Variants in CORO1C observed in about 807,000 individuals in gnomAD.
The protein encoded by CORO1C is coronin 1C.
In CORO1C, 14 loss-of-function variants were observed where a neutral mutation model predicts 51.2. The observed-to-expected ratio is 0.27, with a 90% confidence interval of 0.18 to 0.43. The LOEUF is 0.43. Among genes scored for constraint, CORO1C ranks in the 20% least tolerant of loss-of-function variants. The pLI, the probability that CORO1C is intolerant of heterozygous loss-of-function variation, is 1.00. For synonymous variants in CORO1C, 181 were observed against 210.5 expected, an observed-to-expected ratio of 0.86 and a Z score of 1.21; for missense variants, 417 against 607.8, an observed-to-expected ratio of 0.69 and a Z score of 3.30.
intron 3 of CORO1C, among the ~76,000 whole-genome samples, chr12:108,674,663 A>G (rs755920623): frequency 1.1e-4 from 17 of 152,328 alleles, no homozygotes; most frequent in Non-Finnish European, 2.2e-4. Context: ...GAGGAGTTCA[A>G]GACTTTGGTG....
chr12:108,677,615 T>C (rs2033953674), intron 3 of CORO1C, among the ~76,000 whole-genome samples: 1 of 152,202 alleles, frequency 6.6e-6, no homozygotes, highest in Non-Finnish European at 1.5e-5. Context: ...CAGTTTTTTC[T>C]CTCCTTTTGG....
At chr12:108,655,926 G>A (rs1467284559) in intron 6 of CORO1C, among the ~76,000 whole-genome samples, 4 of 151,490 alleles carry the variant, frequency 2.6e-5, no homozygotes, top group Admixed American at 6.6e-5. Context: ...ATCCCGTCTA[G>A]GAAGTGAGGA....
chr12:108,673,466 G>T (rs1331918155), intron 3 of CORO1C, among the ~76,000 whole-genome samples: 1 of 152,234 alleles, frequency 6.6e-6, no homozygotes, highest in African/African-American at 2.4e-5. Context: ...AGCAGCAAGT[G>T]CTGATGGAGA....
chr12:108,657,065 A>T (rs1015058690), intron 6 of CORO1C, among the ~76,000 whole-genome samples: 10 of 152,302 alleles, frequency 6.6e-5, no homozygotes, highest in African/African-American at 2.2e-4. Flanking sequence ...ATTAAAAAAA[A>T]TTAAAAAAAT....
chr12:108,713,487 C>A (rs536454024), intron 1 of CORO1C, among the ~76,000 whole-genome samples: 1 of 152,282 alleles, frequency 6.6e-6, no homozygotes, highest in Middle Eastern at 3.4e-3. Flanking sequence ...AGTAAAAATG[C>A]ATTTTGTTTC....
intron 8 of CORO1C, chr12:108,652,047 TTTC>T (rs2032689689): frequency 3.6e-6 from 1 of 274,910 alleles, no homozygotes; most frequent in African/African-American, 2.4e-5. Context: ...GTGAGATTTT[TTTC>T]TTTTCTTTTT....
chr12:108,723,979 T>C (rs887563903), intron 1 of CORO1C, among the ~76,000 whole-genome samples: 2 of 152,168 alleles, frequency 1.3e-5, no homozygotes, highest in African/African-American at 4.8e-5. Context: ...AAAGGATCAA[T>C]AAAATACTGT....
intron 3 of CORO1C, among the ~76,000 whole-genome samples, chr12:108,663,287 TTAAA>T (rs1446738016): frequency 6.6e-6 from 1 of 152,234 alleles, no homozygotes; most frequent in African/African-American, 2.4e-5. Flanking sequence ...CCTTAAATGA[TTAAA>T]CAGAGTTATC....
intron 2 of CORO1C, among the ~76,000 whole-genome samples, chr12:108,695,851 T>TAAAAAAAAAAAAA (rs924887183): frequency 1.8e-4 from 11 of 62,460 alleles, no homozygotes; most frequent in African/African-American, 5.5e-4. Context: ...TTGGGAGAAC[T>TAAAAAAAAAAAAA]AAAAAAAAAA....
At chr12:108,713,352 T>G (rs2035237206) in intron 1 of CORO1C, among the ~76,000 whole-genome samples, 1 of 152,214 alleles carries the variant, frequency 6.6e-6, no homozygotes, top group African/African-American at 2.4e-5. Context: ...TTCAATTGAT[T>G]ATAACACCAG....
At chr12:108,712,752 T>C (rs1479815739) in intron 1 of CORO1C, among the ~76,000 whole-genome samples, 1 of 151,154 alleles carries the variant, frequency 6.6e-6, no homozygotes, top group Non-Finnish European at 1.5e-5. Context: ...GAGGCTGAGG[T>C]GGGAAGATAG....
At chr12:108,700,936 A>G (rs1410078858) in intron 2 of CORO1C, 188 bp downstream of exon 2, 2 of 651,120 alleles carry the variant, frequency 3.1e-6, no homozygotes, top group East Asian at 2.7e-5. Context: ...AGAGGTCACT[A>G]TTCTATTTAA....
intron 2 of CORO1C, among the ~76,000 whole-genome samples, chr12:108,690,198 T>A (rs1208146877): frequency 6.6e-6 from 1 of 152,068 alleles, no homozygotes; most frequent in East Asian, 1.9e-4. Flanking sequence ...CACAGGCTGG[T>A]CCCTGAGAGT....
At chr12:108,647,588 C>T (rs541171484) in intron 10 of CORO1C, 66 bp from the exon 11 acceptor site, 2 of 1,170,598 alleles carry the variant, frequency 1.7e-6, no homozygotes, top group Non-Finnish European at 2.4e-6. Flanking sequence ...CTGTTCAAAA[C>T]TTGTAAGATA....
intron 1 of CORO1C, among the ~76,000 whole-genome samples, chr12:108,718,987 C>T (rs1486226808): frequency 6.6e-6 from 1 of 152,166 alleles, no homozygotes; most frequent in Non-Finnish European, 1.5e-5. Context: ...ACACGGCCCA[C>T]TTTCAGAAGG....
chr12:108,649,088 T>G, intron 8 of CORO1C, 68 bp from the exon 9 acceptor site: 1 of 1,559,144 alleles, frequency 6.4e-7, no homozygotes, highest in Non-Finnish European at 8.8e-7. Flanking sequence ...GGATGAATAA[T>G]TAGTTTTCTA....
At position 108,658,188 on chromosome 12, in the gene CORO1C, A is replaced by T. The variant is rs189427942; in HGVS notation, c.630+550T>A. The stretch of plus-strand genomic sequence containing the variant: ...GAACTTGTTGCTTTTCGCCCTGCGC[A>T]TTTATTTATTTATTTATTTATTTAT... On this transcript the variant is annotated intron_variant, in intron 5 of 10. Transcript: ENST00000261401. The surrounding 1 kb of genome is among the most constrained non-coding windows in gnomAD (Gnocchi z 4.9). Among the ~76,000 whole-genome samples, 194 of 149,548 alleles carry T rather than the reference A, an allele frequency of 1.3e-3. 2 individuals are homozygous for T. Among genetic ancestry groups the T allele is most frequent in the Non-Finnish European group, 1.6e-3 (110 of 67,222 alleles).
At chr12:108,724,620 T>C (rs2035545237) in intron 1 of CORO1C, among the ~76,000 whole-genome samples, 1 of 152,192 alleles carries the variant, frequency 6.6e-6, no homozygotes, top group Non-Finnish European at 1.5e-5. Flanking sequence ...ACCTGAGCAA[T>C]AATCTCCCAA....
chr12:108,710,310 GGA>G (rs879927087), intron 1 of CORO1C, among the ~76,000 whole-genome samples: 4 of 152,206 alleles, frequency 2.6e-5, no homozygotes, highest in Admixed American at 1.3e-4. Context: ...AGGCCAAAAA[GGA>G]GGATTACGGG....
Sources: allele counts gnomAD v4.1 joint callset (sites outside exome capture counted in the v4.1 genomes callset), GRCh38; gene constraint gnomAD v4.1.1; non-coding constraint Gnocchi (gnomAD v3.1); transcripts MANE v1.5; gene names NCBI Gene and HGNC (gene_info 2026-07-23, HGNC 2026-07-21).